The following UVSSA variants were observed in gnomAD, a reference collection of about 807,000 sequenced individuals.
The protein encoded by UVSSA is UV-stimulated scaffold protein A.
In UVSSA, 72 loss-of-function variants were observed where a neutral mutation model predicts 73.9. The observed-to-expected ratio is 0.97, with a 90% CI of 0.81 to 1.19. UVSSA has a LOEUF of 1.19. Ranked by LOEUF, UVSSA falls within the 50% of genes most tolerant of loss-of-function variation. The pLI, the probability that UVSSA is intolerant of heterozygous loss-of-function variation, is 0.00. For missense variants in UVSSA, 1,150 were observed against 965.0 expected, an observed-to-expected ratio of 1.19 and a Z score of -2.54; for synonymous variants, 454 against 391.3, an observed-to-expected ratio of 1.16 and a Z score of -1.89.
rs776424233 is a variant in UVSSA, at chr4:1,383,881, C to T, written c.1977C>T (p.Thr659=). Residue 659 remains threonine (T), a synonymous_variant, in exon 13 of 14, where the codon ACC becomes ACT. Transcript: ENST00000389851. ...RGKKRRYPSL[T]NLKAQADTAR... ...AGAAGAGGAGGTACCCCAGCCTCAC[C>T]AACCTGAAGGCTCAGGCTGATACCG... is the stretch of plus-strand genomic sequence containing the variant. The T allele has an allele frequency of 1.2e-6, 2 of 1,613,546 alleles. No homozygotes were observed. The highest frequency in any genetic ancestry group is 1.1e-5 in the South Asian group (1 of 91,086).
In UVSSA at chr4:1,349,689, G is replaced by A. The variant is rs1714373994; in HGVS notation, c.264G>A (p.Glu88=). The change falls in exon 3 of 14, where the codon GAG becomes GAA. Residue 88 remains glutamate, a synonymous_variant. Coordinates refer to ENST00000389851, the MANE Select transcript of UVSSA (RefSeq NM_020894.4). ...LVVSNFQEFL[E]LTLGTDPAQP... The stretch of plus-strand genomic sequence containing the variant: ...TTTCCAACTTCCAGGAGTTCCTGGA[G>A]CTCACGCTGGGCACAGACCCCGCAC... The A allele has an allele frequency of 6.2e-7, 1 of 1,613,904 alleles. No homozygotes were observed. Among genetic ancestry groups the A allele is most frequent in the South Asian group, 1.1e-5 (1 of 91,084 alleles).
chr4:1,367,152 C>T (rs954371191), intron 8 of UVSSA, among the ~76,000 whole-genome samples: 19 of 152,180 alleles, frequency 1.2e-4, no homozygotes, highest in African/African-American at 4.6e-4. Flanking sequence ...AGGGAGCACT[C>T]GGGAGGTGCC....
In UVSSA at chr4:1,351,728, A is replaced by C. The variant is rs1045079695; in HGVS notation, c.443A>C (p.Asp148Ala). 5 of 1,613,380 alleles carry C rather than the reference A, an allele frequency of 3.1e-6. No individual in the cohort carries two copies. Among genetic ancestry groups the C allele is most frequent in the East Asian group, 2.2e-5 (1 of 44,870 alleles). The change falls in exon 4 of 14, where the codon GAC becomes GCC. Residue 148 changes from aspartate to alanine, a missense_variant. Transcript: ENST00000389851. ...LRHNKKVDFQDTNARSLAERK... is the reference protein window; with the variant it reads ...LRHNKKVDFQATNARSLAERK... ...TCAATTGCTCAGGTGGATTTTCAAG[A>C]CACGAATGCTCGGAGTCTGGCAGAA...
exon 14 of UVSSA, chr4:1,394,115 C>T: frequency 2.9e-6 from 1 of 339,666 alleles, no homozygotes; most frequent in Non-Finnish European, 5.5e-6. Flanking sequence ...CACACAGCCA[C>T]AAAGCCAGCC....
At chr4:1,369,156 G>A (rs1717712051) in intron 8 of UVSSA, among the ~76,000 whole-genome samples, 1 of 152,272 alleles carries the variant, frequency 6.6e-6, no homozygotes, top group African/African-American at 2.4e-5. Flanking sequence ...CCTTGAAGGT[G>A]CCGATGTGCC....
At chr4:1,357,056 C>T (rs1483778637) in intron 7 of UVSSA, 1 of 152,116 alleles carries the variant, frequency 6.6e-6, no homozygotes, top group African/African-American at 2.4e-5. Context: ...CAGGCCTGGG[C>T]CCCTCCAGCT....
chr4:1,361,187 T>TC (rs1716574391), intron 7 of UVSSA, among the ~76,000 whole-genome samples: 1 of 152,216 alleles, frequency 6.6e-6, no homozygotes, highest in South Asian at 2.1e-4. Context: ...GGCCTCCTCC[T>TC]CTCACACCCA....
intron 10 of UVSSA, among the ~76,000 whole-genome samples, chr4:1,379,449 T>C (rs1415218064): frequency 6.6e-6 from 1 of 152,170 alleles, no homozygotes; most frequent in Non-Finnish European, 1.5e-5. Flanking sequence ...ACCAGGTTGA[T>C]GACAACAGCA....
chr4:1,393,100 GCCTC>G (rs1720443828), exon 14 of UVSSA: 1 of 152,158 alleles, frequency 6.6e-6, no homozygotes, highest in Non-Finnish European at 1.5e-5. Context: ...AGCCTTGGAG[GCCTC>G]CTTGACTTTC....
upstream of UVSSA, among the ~76,000 whole-genome samples, chr4:1,346,520 C>T (rs1191064018): frequency 1.3e-5 from 2 of 152,218 alleles, no homozygotes; most frequent in Non-Finnish European, 2.9e-5. Flanking sequence ...TCTCATTCCG[C>T]CCAGGGCCAG....
chr4:1,365,455 G>C (rs2109191403), intron 7 of UVSSA, among the ~76,000 whole-genome samples: 1 of 152,304 alleles, frequency 6.6e-6, no homozygotes, highest in East Asian at 1.9e-4. Flanking sequence ...GGGCAGGGTG[G>C]GCTCAAGGAA....
chr4:1,351,574 A>T (rs1307666348), intron 3 of UVSSA, 141 bp from the exon 4 acceptor site: 10 of 805,642 alleles, frequency 1.2e-5, no homozygotes, highest in Non-Finnish European at 1.6e-5. Context: ...TATTTTTAGT[A>T]GAGATGGGGT....
At chr4:1,343,837 C>G (rs576961023), upstream of UVSSA, among the ~76,000 whole-genome samples, 1 of 152,230 alleles carries the variant, frequency 6.6e-6, no homozygotes, top group African/African-American at 2.4e-5. Context: ...TAAAGTTTGC[C>G]TCTGGTATCA....
intron 8 of UVSSA, among the ~76,000 whole-genome samples, chr4:1,367,617 G>A (rs1003178507): frequency 3.3e-5 from 5 of 152,148 alleles, no homozygotes; most frequent in Admixed American, 1.3e-4. Context: ...GTCAGTGTGA[G>A]CTTGAGGGTC....
chr4:1,384,038 G>A lies in UVSSA; in HGVS notation c.2036+98G>A, dbSNP rs971395463. 3 of 1,374,040 alleles carry A rather than the reference G, an allele frequency of 2.2e-6. No individual in the cohort carries two copies. In the East Asian group the frequency reaches 7.5e-5, roughly 34 times the overall value. The allele number at this position is 1,374,040 out of a possible 1,614,324, so 85.1% of individuals were successfully genotyped here. ...AGCGCCAAGATATTCCAGGGACTTGGGGCCTCCAGGGGCTCCCCTGCTTTG... is the reference window on the plus strand; with the variant it reads ...AGCGCCAAGATATTCCAGGGACTTGAGGCCTCCAGGGGCTCCCCTGCTTTG... On this transcript the variant is annotated intron_variant, in intron 13 of 13. Transcript: ENST00000389851.
intron 7 of UVSSA, among the ~76,000 whole-genome samples, chr4:1,360,137 C>T (rs966404084): frequency 6.6e-6 from 1 of 152,210 alleles, no homozygotes; most frequent in Non-Finnish European, 1.5e-5. Flanking sequence ...ACGCCGAAGG[C>T]CAAGCCGCTG....
chr4:1,368,814 C>G (rs959396869), intron 8 of UVSSA, among the ~76,000 whole-genome samples: 2 of 152,246 alleles, frequency 1.3e-5, no homozygotes, highest in Non-Finnish European at 2.9e-5. Context: ...CTGCTGGGTC[C>G]GTCCTGGTCC....
chr4:1,388,475 T>C (rs1355194050), downstream of UVSSA: 1 of 152,248 alleles, frequency 6.6e-6, no homozygotes, highest in African/African-American at 2.4e-5. Flanking sequence ...CTAATTGCTC[T>C]GGCTAGTACC....
rs1208062412 is a variant in UVSSA at position 1,377,868 on chromosome 4, G to A, written c.1568+1700G>A. Among the ~76,000 whole-genome samples, 5 of 152,242 alleles carry A rather than the reference G, an allele frequency of 3.3e-5. No individual in the cohort carries two copies. The East Asian group carries it at 9.6e-4, about 29-fold the overall frequency. On this transcript the variant is annotated intron_variant, in intron 10 of 13. Transcript: ENST00000389851. ...CTGCTGTGGTCGGCTTGATGGAGTT[G>A]CAGCCTACACATGGCAGCGGCCCGG... is the stretch of plus-strand genomic sequence containing the variant.
Sources: gnomAD v4.1 joint callset for allele counts (sites outside exome capture counted in the v4.1 genomes callset) on GRCh38, gnomAD v4.1.1 for gene constraint, MANE v1.5 for transcripts, NCBI Gene and HGNC (gene_info 2026-07-23, HGNC 2026-07-21) for gene names.